The following NET1 variants were observed in gnomAD, a reference collection of about 807,000 sequenced individuals.
NET1 encodes the protein neuroepithelial cell-transforming gene 1 protein.
Under a neutral mutation model 61.1 loss-of-function variants are expected in NET1, and 42 were observed. The ratio of observed to expected loss-of-function variants is 0.69; its 90% CI spans 0.54 to 0.89. The LOEUF (loss-of-function observed/expected upper bound fraction) is 0.89. NET1 is among the 40% of genes least tolerant of loss of function. NET1 has a pLI of 0.00. For synonymous variants in NET1, 254 were observed against 281.8 expected, an observed-to-expected ratio of 0.90 and a Z score of 0.99; for missense variants, 654 against 747.3, an observed-to-expected ratio of 0.88 and a Z score of 1.46.
chr10:5,454,926 C>A lies in NET1; in HGVS notation c.1027-22C>A. 1 of 1,609,130 alleles carries A rather than the reference C, an allele frequency of 6.2e-7. No individual in the cohort carries two copies. The highest frequency in any genetic ancestry group is 1.1e-5 in the South Asian group (1 of 90,654). On this transcript the variant is annotated intron_variant, in intron 9 of 11. Coordinates refer to ENST00000355029, the MANE Select transcript of NET1 (RefSeq NM_001047160.3). This position sits in a 1 kb window ranked among gnomAD's most constrained non-coding sequence, Gnocchi z 8.1. ...AGTTAATAAACTGAAGCTGCTCTGT[C>A]AATTTTATTTATCATTTTCAGATAT...
rs377267362 is a variant in NET1 at position 5,452,877 on chromosome 10, G to T, written c.551G>T (p.Arg184Leu). 2 of 1,613,694 alleles carry T rather than the reference G, an allele frequency of 1.2e-6. No individual in the cohort carries two copies. Among genetic ancestry groups the T allele is most frequent in the Non-Finnish European group, 1.7e-6 (2 of 1,179,848 alleles). Residue 184 changes from arginine to leucine, a missense_variant, in exon 6 of 12, where the codon CGA (arginine) becomes CTA (leucine). By Grantham distance (102) the Arg-to-Leu change is moderately radical. Coordinates refer to ENST00000355029, the MANE Select transcript of NET1 (RefSeq NM_001047160.3). The surrounding 1 kb of genome is among the most constrained non-coding windows in gnomAD (Gnocchi z 4.0). The part of the protein sequence containing the change: ...RRQEAIYEMS[R>L]GEQDLIEDLK... ...TTTTAGGCAATATATGAAATGTCCCGAGGTGAACAGGATTTAATTGAGGAT... is the reference window on the plus strand; with the variant it reads ...TTTTAGGCAATATATGAAATGTCCCTAGGTGAACAGGATTTAATTGAGGAT...
chr10:5,422,268 CGGA>C lies in NET1; in HGVS notation c.129-4384_129-4382del, dbSNP rs1832187126. On this transcript the variant is annotated intron_variant, in intron 1 of 11. Coordinates refer to ENST00000355029, the MANE Select transcript of NET1 (RefSeq NM_001047160.3). This position sits in a 1 kb window ranked among gnomAD's most constrained non-coding sequence, Gnocchi z 4.1. Reference sequence around the variant, plus strand: ...AGGAGAATCGCTTGAACCCTGGAGGCGGAGGTTGTAGTGAGCCGAGATCGTACC... The same window carrying C: ...AGGAGAATCGCTTGAACCCTGGAGGCGGTTGTAGTGAGCCGAGATCGTACC... Among the ~76,000 whole-genome samples the C allele has an allele frequency of 6.6e-6, 1 of 150,932 alleles. No individual in the cohort carries two copies. Among genetic ancestry groups the C allele is most frequent in the South Asian group, 2.1e-4 (1 of 4,754 alleles).
At chr10:5,445,609 A>G (rs1832595091) in intron 3 of NET1, among the ~76,000 whole-genome samples, 1 of 152,204 alleles carries the variant, frequency 6.6e-6, no homozygotes. Flanking sequence ...TACCATTCCA[A>G]ATAGAATAAC....
Position 5,423,324 on chromosome 10 carries a change from ACT to A in NET1, c.129-3328_129-3327del, listed in dbSNP as rs1407878918. 6.6e-6 allele frequency among the ~76,000 whole-genome samples: 1 copy of A among 152,168 alleles called. No individual in the cohort carries two copies. The highest frequency in any genetic ancestry group is 2.4e-5 in the African/African-American group (1 of 41,444). Reference sequence around the variant, plus strand: ...GAGGAGGTGGTGACACAAATCAGAAACTCTGAAAACATAATTTGGCTTAAGAA... The same window carrying A: ...GAGGAGGTGGTGACACAAATCAGAAACTGAAAACATAATTTGGCTTAAGAA... On this transcript the variant is annotated intron_variant, in intron 1 of 11. Transcript: ENST00000355029. This position sits in a 1 kb window ranked among gnomAD's most constrained non-coding sequence, Gnocchi z 4.4.
chr10:5,455,802 T>C lies in NET1; in HGVS notation c.1198-285T>C, dbSNP rs1384033362. 6.6e-6 allele frequency among the ~76,000 whole-genome samples: 1 copy of C among 152,264 alleles called. No individual in the cohort carries two copies. The highest frequency in any genetic ancestry group is 2.4e-5 in the African/African-American group (1 of 41,472). Reference sequence around the variant, plus strand: ...ACGCTAGTGTTTCAAGTCATGTTGCTACTAATAGGTCTTTGTGATGCAGAG... The same window carrying C: ...ACGCTAGTGTTTCAAGTCATGTTGCCACTAATAGGTCTTTGTGATGCAGAG... On this transcript the variant is annotated intron_variant, in intron 10 of 11. Coordinates refer to ENST00000355029, the MANE Select transcript of NET1 (RefSeq NM_001047160.3). This position sits in a 1 kb window ranked among gnomAD's most constrained non-coding sequence, Gnocchi z 6.5.
Position 5,446,929 on chromosome 10 carries a change from C to G in NET1, c.256-4901C>G. ...TCCACGGAGCTTTTAAAATTTTTAA[C>G]AAGGTATTAACAGTATAATTTTAAA... On this transcript the variant is annotated intron_variant, in intron 3 of 11. Transcript: ENST00000355029. This position sits in a 1 kb window ranked among gnomAD's most constrained non-coding sequence, Gnocchi z 5.0. 7.7e-7 allele frequency: 1 copy of G among 1,295,578 alleles called. No individual in the cohort carries two copies. The highest frequency in any genetic ancestry group is 1.1e-6 in the Non-Finnish European group (1 of 918,832). 80.3% of individuals were successfully genotyped at this position (1,295,578 alleles called of 1,614,324 possible).
rs1832711261 is a variant in NET1 at position 5,451,855 on chromosome 10, C to T, written c.281C>T (p.Pro94Leu). Residue 94 changes from proline (P) to leucine (L), a missense_variant, in exon 4 of 12, where the codon CCT becomes CTT. Transcript: ENST00000355029. The surrounding 1 kb of genome is among the most constrained non-coding windows in gnomAD (Gnocchi z 6.1). ...LKEPSNKRVRPLARVTSLANL... is the reference protein window; with the variant it reads ...LKEPSNKRVRLLARVTSLANL... ...GAGCCAAGCAATAAAAGAGTTCGAC[C>T]TCTGGCTCGTGTCACGTCCTTGGCA... The T allele has an allele frequency of 6.2e-7, 1 of 1,613,800 alleles. No individual in the cohort carries two copies. The highest frequency in any genetic ancestry group is 8.5e-7 in the Non-Finnish European group (1 of 1,179,828).
chr10:5,418,446 A>G (rs1432875028), intron 1 of NET1, among the ~76,000 whole-genome samples: 1 of 152,060 alleles, frequency 6.6e-6, no homozygotes, highest in Non-Finnish European at 1.5e-5. Flanking sequence ...TTCCTTGTTC[A>G]TAGTATTTCT....
intron 3 of NET1, among the ~76,000 whole-genome samples, chr10:5,438,947 C>T (rs1832481711): frequency 1.3e-5 from 2 of 152,346 alleles, no homozygotes; most frequent in Admixed American, 6.5e-5. Context: ...ATTGCACCAG[C>T]ACTGGAATCC....
chr10:5,436,248 A>AT lies in NET1; in HGVS notation c.255+7046dup, dbSNP rs1190534260. ...TGCATATATATATATATATATATAT[A>AT]TTTTTTTTTTTTTTTTTTTTTTTTT... On this transcript the variant is annotated intron_variant, in intron 3 of 11. Transcript: ENST00000355029. 2.1e-3 allele frequency among the ~76,000 whole-genome samples: 39 copies of AT among 18,426 alleles called. 1 individual carries two copies. Among genetic ancestry groups the AT allele is most frequent in the Non-Finnish European group, 2.5e-3 (27 of 10,720 alleles). The allele number at this position is 18,426 out of a possible 152,430, so 12.1% of individuals were successfully genotyped here.
intron 3 of NET1, among the ~76,000 whole-genome samples, chr10:5,436,183 GTGTTGTGTGTGTGT>G (rs1286613919): frequency 1.2e-4 from 5 of 42,716 alleles, no homozygotes; most frequent in Middle Eastern, 0.01. Flanking sequence ...GTGTGTGTGT[GTGTTGTGTGTGTGT>G]GTGTGTGTGT....
chr10:5,451,119 A>G lies in NET1; in HGVS notation c.256-711A>G, dbSNP rs1311581827. Among the ~76,000 whole-genome samples the G allele has an allele frequency of 6.6e-6, 1 of 152,196 alleles. No homozygotes were observed. Among genetic ancestry groups the G allele is most frequent in the Admixed American group, 6.5e-5 (1 of 15,284 alleles). ...TTCATTTAATCTTCACAACAACTTCATAAGAGAAGTGCTACTTTTAGCCCC... is the reference window on the plus strand; with the variant it reads ...TTCATTTAATCTTCACAACAACTTCGTAAGAGAAGTGCTACTTTTAGCCCC... On this transcript the variant is annotated intron_variant, in intron 3 of 11. Transcript: ENST00000355029. This position sits in a 1 kb window ranked among gnomAD's most constrained non-coding sequence, Gnocchi z 6.1.
Position 5,423,966 on chromosome 10 carries a change from G to A in NET1, c.129-2689G>A, listed in dbSNP as rs28451239. Reference sequence around the variant, plus strand: ...AAAAAATAGCATTACTGTAAAGCTGGTTACAGATACTGCTGGAAAGAATTT... The same window carrying A: ...AAAAAATAGCATTACTGTAAAGCTGATTACAGATACTGCTGGAAAGAATTT... On this transcript the variant is annotated intron_variant, in intron 1 of 11. Coordinates refer to ENST00000355029, the MANE Select transcript of NET1 (RefSeq NM_001047160.3). This position sits in a 1 kb window ranked among gnomAD's most constrained non-coding sequence, Gnocchi z 4.4. Among the ~76,000 whole-genome samples the A allele has an allele frequency of 0.27, 41,012 of 151,956 alleles. 5,699 individuals are homozygous for A. Among genetic ancestry groups the A allele is most frequent in the Non-Finnish European group, 0.29 (19,385 of 67,912 alleles).
In NET1 at chr10:5,435,506, TAGATAGATAGATAGATAGATAGATAGAC is replaced by T. The variant is rs201488845; in HGVS notation, c.255+6281_255+6308del. 0.53 allele frequency among the ~76,000 whole-genome samples: 66,473 copies of T among 125,414 alleles called. 15,316 individuals carry two copies. Among genetic ancestry groups the T allele is most frequent in the Admixed American group, 0.6 (7,643 of 12,694 alleles). 82.3% of individuals were successfully genotyped at this position (125,414 alleles called of 152,430 possible). On this transcript the variant is annotated intron_variant, in intron 3 of 11. Coordinates refer to ENST00000355029, the MANE Select transcript of NET1 (RefSeq NM_001047160.3). The surrounding 1 kb of genome is among the most constrained non-coding windows in gnomAD (Gnocchi z 5.0). ...ATAGATAGATAGATAGATAGATAGA[TAGATAGATAGATAGATAGATAGATAGAC>T]AGACAGACAGATAGATAGATAGATA...
Position 5,431,639 on chromosome 10 carries a change from T to C in NET1, c.255+2410T>C, listed in dbSNP as rs1209252662. ...CAGAACAAGTGCTTGATTCTTTTCC[T>C]TTGTCAGTTTTCAACAATAACGAAT... On this transcript the variant is annotated intron_variant, in intron 3 of 11. Transcript: ENST00000355029. This position sits in a 1 kb window ranked among gnomAD's most constrained non-coding sequence, Gnocchi z 4.9. Among the ~76,000 whole-genome samples, 1 of 152,192 alleles carries C rather than the reference T, an allele frequency of 6.6e-6. No individual in the cohort carries two copies. Among genetic ancestry groups the C allele is most frequent in the African/African-American group, 2.4e-5 (1 of 41,448 alleles).
Position 5,415,861 on chromosome 10 carries a change from T to G in NET1, c.128+3041T>G, listed in dbSNP as rs1832073943. On this transcript the variant is annotated intron_variant, in intron 1 of 11. Coordinates refer to ENST00000355029, the MANE Select transcript of NET1 (RefSeq NM_001047160.3). The surrounding 1 kb of genome is among the most constrained non-coding windows in gnomAD (Gnocchi z 4.7). ...TTATTCTGTGGTTTGTCTTTTCACT[T>G]TCATGATGTGCTTCGAAGCACAAAA... Among the ~76,000 whole-genome samples the G allele has an allele frequency of 6.6e-6, 1 of 152,196 alleles. No homozygotes were observed. The highest frequency in any genetic ancestry group is 6.5e-5 in the Admixed American group (1 of 15,286).
intron 1 of NET1, among the ~76,000 whole-genome samples, chr10:5,414,121 G>A (rs554633037): frequency 1.3e-5 from 2 of 152,210 alleles, no homozygotes; most frequent in African/African-American, 4.8e-5. Flanking sequence ...TGAGTTCTGG[G>A]TATATATTCT....
chr10:5,454,395 G>A lies in NET1; in HGVS notation c.899G>A (p.Arg300Gln), dbSNP rs750153130. The change falls in exon 9 of 12, where the codon CGA becomes CAA. Residue 300 changes from arginine to glutamine, a missense_variant. Arg to Gln is a conservative substitution (Grantham distance 43). Coordinates refer to ENST00000355029, the MANE Select transcript of NET1 (RefSeq NM_001047160.3). This position sits in a 1 kb window ranked among gnomAD's most constrained non-coding sequence, Gnocchi z 8.1. ...CGATGTCTCGAGTCTCCCTTCAGTC[G>A]AAAACTAGATCTTTGGAGTTTCCTA... ...LQRCLESPFS[R>Q]KLDLWSFLDI... The A allele has an allele frequency of 3.7e-6, 6 of 1,614,104 alleles. No homozygotes were observed. Among genetic ancestry groups the A allele is most frequent in the South Asian group, 1.1e-5 (1 of 91,066 alleles).
At position 5,446,938 on chromosome 10, in the gene NET1, A is replaced by G. The variant is rs982259756; in HGVS notation, c.256-4892A>G. ...CTTTTAAAATTTTTAACAAGGTATT[A>G]ACAGTATAATTTTAAACTTTTGATC... On this transcript the variant is annotated intron_variant, in intron 3 of 11. Transcript: ENST00000355029. The surrounding 1 kb of genome is among the most constrained non-coding windows in gnomAD (Gnocchi z 5.0). The G allele has an allele frequency of 9.7e-6, 11 of 1,132,448 alleles. No homozygotes were observed. Among genetic ancestry groups the G allele is most frequent in the Non-Finnish European group, 1.3e-5 (10 of 799,832 alleles). 70.1% of individuals were successfully genotyped at this position (1,132,448 alleles called of 1,614,324 possible).
Sources: gnomAD v4.1 joint callset for allele counts (sites outside exome capture counted in the v4.1 genomes callset) on GRCh38, gnomAD v4.1.1 for gene constraint, Gnocchi (gnomAD v3.1) non-coding constraint, MANE v1.5 for transcripts, NCBI Gene and HGNC (gene_info 2026-07-23, HGNC 2026-07-21) for gene names.